MAD1L1: variants seen among roughly 807,000 people sequenced by gnomAD.
MAD1L1 encodes the protein mitotic arrest deficient 1 like 1, also known as mitotic spindle assembly checkpoint protein MAD1.
Under a neutral mutation model 96.9 loss-of-function variants are expected in MAD1L1, and 95 were observed. That is an observed-to-expected ratio of 0.98 (90% CI 0.83 to 1.16). The LOEUF (loss-of-function observed/expected upper bound fraction) is 1.16, where lower values mean the gene tolerates loss of function less well. Ranked by LOEUF, MAD1L1 falls within the 50% of genes most tolerant of loss-of-function variation. The pLI is 0.00. For missense variants in MAD1L1, 1,007 were observed against 954.4 expected (o/e 1.06, Z -0.73); for synonymous variants, 473 against 396.6 (o/e 1.19, Z -2.29).
intron 15 of MAD1L1, among the ~76,000 whole-genome samples, chr7:1,977,968 C>T (rs559886300): frequency 5.4e-4 from 83 of 152,376 alleles, no homozygotes; most frequent in Non-Finnish European, 7.2e-4. Flanking sequence ...TGGAGGACAA[C>T]GGTGGAGACC....
chr7:1,888,291 T>A (rs1369078113), intron 18 of MAD1L1, among the ~76,000 whole-genome samples: 1 of 133,400 alleles, frequency 7.5e-6, no homozygotes, highest in African/African-American at 2.6e-5. Flanking sequence ...TGTGTGTGCA[T>A]GCATGCGTCT....
At chr7:1,938,614 C>T (rs547591248) in intron 16 of MAD1L1, among the ~76,000 whole-genome samples, 22 of 152,274 alleles carry the variant, frequency 1.4e-4, no homozygotes, top group African/African-American at 5.1e-4. Flanking sequence ...TAACCAAGGG[C>T]ATGTCAGACA....
chr7:1,963,341 G>C (rs1185327924), intron 15 of MAD1L1, among the ~76,000 whole-genome samples: 1 of 152,178 alleles, frequency 6.6e-6, no homozygotes, highest in Non-Finnish European at 1.5e-5. Flanking sequence ...ACATGCTCCA[G>C]GACCAACGCC....
chr7:2,201,011 TGCAGGCAAGACCA>T (rs1792265736), intron 10 of MAD1L1, among the ~76,000 whole-genome samples: 1 of 152,098 alleles, frequency 6.6e-6, no homozygotes, highest in Admixed American at 6.5e-5. Flanking sequence ...GGGTGGGTGG[TGCAGGCAAGACCA>T]GCAGCTCCTG....
intron 14 of MAD1L1, among the ~76,000 whole-genome samples, chr7:1,988,770 G>A (rs1268097461): frequency 6.6e-6 from 1 of 152,202 alleles, no homozygotes; most frequent in East Asian, 1.9e-4. Context: ...CCTTCCAGGG[G>A]CCCTGCGTGT....
At chr7:2,178,247 G>GA (rs530331057) in intron 10 of MAD1L1, among the ~76,000 whole-genome samples, 89 of 152,316 alleles carry the variant, frequency 5.8e-4, no homozygotes, top group African/African-American at 1.9e-3. Flanking sequence ...CCAGAATTCA[G>GA]AAACTCTTAC....
At position 2,146,548 on chromosome 7, in the gene MAD1L1, G is replaced by A. The variant is rs1033210401; in HGVS notation, c.1073+2604C>T. Among the ~76,000 whole-genome samples the A allele has an allele frequency of 4.6e-5, 7 of 150,858 alleles. No individual in the cohort carries two copies. Among genetic ancestry groups the A allele is most frequent in the African/African-American group, 1.7e-4 (7 of 40,152 alleles). On this transcript the variant is annotated intron_variant, in intron 11 of 18. Transcript: ENST00000265854. This position sits in a 1 kb window ranked among gnomAD's most constrained non-coding sequence, Gnocchi z 6.2. ...GGAGAACATACGTGGTCACAAGCACGTGCCCGCTGGTCCGCACAGACGAGG... is the reference window on the plus strand; with the variant it reads ...GGAGAACATACGTGGTCACAAGCACATGCCCGCTGGTCCGCACAGACGAGG...
intron 12 of MAD1L1, among the ~76,000 whole-genome samples, chr7:2,025,563 C>G (rs529107728): frequency 3.1e-4 from 47 of 152,228 alleles, no homozygotes; most frequent in African/African-American, 9.4e-4. Flanking sequence ...ATTTTGCAGA[C>G]AGAAGAAAAA....
At chr7:1,871,643 A>C (rs1785109400) in intron 18 of MAD1L1, among the ~76,000 whole-genome samples, 1 of 146,966 alleles carries the variant, frequency 6.8e-6, no homozygotes, top group Non-Finnish European at 1.5e-5. Flanking sequence ...AACCCAACAT[A>C]CGCCTGCCAT....
Position 1,981,609 on chromosome 7 carries a change from G to A in MAD1L1, c.1417-1068C>T, listed in dbSNP as rs533773519. On this transcript the variant is annotated intron_variant, in intron 14 of 18. Coordinates refer to ENST00000265854, the MANE Select transcript of MAD1L1 (RefSeq NM_001013836.2). Reference sequence around the variant, plus strand: ...CCCACTCCAAAGCCCAGCTCACTCCGTCACGAAGGGAGGAGGAAGGGCAGT... The same window carrying A: ...CCCACTCCAAAGCCCAGCTCACTCCATCACGAAGGGAGGAGGAAGGGCAGT... Among the ~76,000 whole-genome samples the A allele has an allele frequency of 4.6e-5, 7 of 152,248 alleles. 1 individual carries two copies. The East Asian group carries it at 5.8e-4, about 13-fold the overall frequency.
At chr7:2,072,197 A>G (rs1562659155) in intron 11 of MAD1L1, among the ~76,000 whole-genome samples, 1 of 152,228 alleles carries the variant, frequency 6.6e-6, no homozygotes, top group Non-Finnish European at 1.5e-5. Flanking sequence ...ACAGTGTCAG[A>G]ACAGAACTGA....
intron 18 of MAD1L1, among the ~76,000 whole-genome samples, chr7:1,821,830 CG>C (rs1257935295): frequency 1.3e-5 from 2 of 152,204 alleles, no homozygotes; most frequent in Non-Finnish European, 2.9e-5. Flanking sequence ...CGCTGCTTCA[CG>C]GAAGAGTCTG....
At chr7:2,068,239 A>T (rs1304744666) in intron 12 of MAD1L1, among the ~76,000 whole-genome samples, 1 of 152,268 alleles carries the variant, frequency 6.6e-6, no homozygotes, top group Non-Finnish European at 1.5e-5. Flanking sequence ...GTGCCCACAC[A>T]GTCAGTGCCC....
intron 18 of MAD1L1, among the ~76,000 whole-genome samples, chr7:1,888,940 G>A (rs1440193556): frequency 6.6e-6 from 1 of 152,238 alleles, no homozygotes; most frequent in Non-Finnish European, 1.5e-5. Flanking sequence ...TCTCACTGAT[G>A]AGCCATGAAA....
intron 12 of MAD1L1, among the ~76,000 whole-genome samples, chr7:2,067,234 C>G (rs928175937): frequency 1.3e-5 from 2 of 149,744 alleles, no homozygotes; most frequent in Non-Finnish European, 3.0e-5. Context: ...CGCAGGCACC[C>G]GGGGTCATCA....
chr7:2,111,198 C>A (rs1372467766), intron 11 of MAD1L1, among the ~76,000 whole-genome samples: 2 of 152,220 alleles, frequency 1.3e-5, no homozygotes, highest in East Asian at 3.9e-4. Context: ...CCCTCGCTCC[C>A]CCCACACCAT....
chr7:2,131,171 C>T (rs142990879), intron 11 of MAD1L1, among the ~76,000 whole-genome samples: 24 of 152,322 alleles, frequency 1.6e-4, no homozygotes, highest in African/African-American at 4.8e-4. Flanking sequence ...CAGCCTTCTT[C>T]GGGCCCCAGA....
intron 12 of MAD1L1, among the ~76,000 whole-genome samples, chr7:2,054,790 GGGATGTGCTTTAAGTAT>G (rs1403772176): frequency 6.6e-6 from 1 of 152,254 alleles, no homozygotes; most frequent in Admixed American, 6.5e-5. Flanking sequence ...TGTACGTGGA[GGGATGTGCTTTAAGTAT>G]GAACAAAGCA....
chr7:1,960,309 G>A (rs998772169), intron 15 of MAD1L1, among the ~76,000 whole-genome samples: 7 of 148,640 alleles, frequency 4.7e-5, no homozygotes, highest in Non-Finnish European at 1.0e-4. Flanking sequence ...ACAGTCAAAT[G>A]ACAAGATCAA....
Sources: gnomAD v4.1 joint callset for allele counts (sites outside exome capture counted in the v4.1 genomes callset) on GRCh38, gnomAD v4.1.1 for gene constraint, Gnocchi (gnomAD v3.1) non-coding constraint, MANE v1.5 for transcripts, NCBI Gene and HGNC (gene_info 2026-07-23, HGNC 2026-07-21) for gene names.